The following ITSN2 variants were observed in gnomAD, a reference collection of about 807,000 sequenced individuals.
ITSN2 encodes the protein intersectin-2.
In ITSN2, 156 loss-of-function variants were observed where a neutral mutation model predicts 243.7. The ratio of observed to expected loss-of-function variants is 0.64; its 90% CI spans 0.56 to 0.73. ITSN2 has a LOEUF of 0.73. Ranked by LOEUF, ITSN2 falls within the 30% of genes least tolerant of loss-of-function variation. ITSN2 has a pLI of 0.00. For missense variants in ITSN2, 1,801 were observed against 1,996.1 expected (o/e 0.90, Z 1.86); for synonymous variants, 703 against 699.9 (o/e 1.00, Z -0.07).
At chr2:24,314,772 G>T (rs1242149202) in intron 3 of ITSN2, among the ~76,000 whole-genome samples, 1 of 151,842 alleles carries the variant, frequency 6.6e-6, no homozygotes, top group Non-Finnish European at 1.5e-5. Context: ...AAAGACAGAG[G>T]GCTAGCATTA....
chr2:24,212,868 C>G, intron 32 of ITSN2, 120 bp from the exon 33 acceptor site: 1 of 830,178 alleles, frequency 1.2e-6, no homozygotes, highest in Non-Finnish European at 1.9e-6. Context: ...CCCTGTCTTA[C>G]TGTTTTAGAA....
In ITSN2 at chr2:24,245,654, T is replaced by C. The variant is rs540854949; in HGVS notation, c.3577+475A>G. On this transcript the variant is annotated intron_variant, in intron 29 of 39. Coordinates refer to ENST00000355123, the MANE Select transcript of ITSN2 (RefSeq NM_006277.3). ...CCACCACACCCAGCTAATTTTGCTATTTTTTGTCGAGATGGGGTTTCGCCA... is the reference window on the plus strand; with the variant it reads ...CCACCACACCCAGCTAATTTTGCTACTTTTTGTCGAGATGGGGTTTCGCCA... Among the ~76,000 whole-genome samples the C allele has an allele frequency of 3.0e-4, 46 of 152,232 alleles. No individual in the cohort carries two copies. The South Asian group carries it at 8.9e-3, about 30-fold the overall frequency.
At chr2:24,342,601 A>G (rs1687149398) in intron 1 of ITSN2, among the ~76,000 whole-genome samples, 1 of 150,904 alleles carries the variant, frequency 6.6e-6, no homozygotes. Flanking sequence ...AGAGAAAGAC[A>G]CATGCAAATC....
intron 29 of ITSN2, among the ~76,000 whole-genome samples, chr2:24,228,901 T>G (rs551497878): frequency 3.4e-4 from 52 of 152,304 alleles, no homozygotes; most frequent in Non-Finnish European, 7.1e-4. Flanking sequence ...GTGTTGGAAG[T>G]AGTGGGCTAG....
At chr2:24,315,257 A>C (rs1242376914) in intron 2 of ITSN2, 33 bp from the exon 3 acceptor site, 2 of 1,148,366 alleles carry the variant, frequency 1.7e-6, no homozygotes, top group Non-Finnish European at 2.6e-6. Flanking sequence ...TATAGTGTAT[A>C]CATGAGAATG....
chr2:24,257,298 AAC>A (rs1310054551), intron 23 of ITSN2, among the ~76,000 whole-genome samples: 1 of 152,104 alleles, frequency 6.6e-6, no homozygotes, highest in Non-Finnish European at 1.5e-5. Context: ...TAGCCTAGGC[AAC>A]AGAGTGAGAC....
intron 20 of ITSN2, among the ~76,000 whole-genome samples, chr2:24,266,767 CAA>C (rs1277915920): frequency 1.5e-4 from 11 of 75,492 alleles, no homozygotes; most frequent in Non-Finnish European, 1.7e-4. Context: ...TCCATCTCCA[CAA>C]AAAAAAAAAA....
intron 8 of ITSN2, 148 bp downstream of exon 8, chr2:24,308,469 G>A: frequency 2.2e-6 from 1 of 463,980 alleles, no homozygotes; most frequent in Non-Finnish European, 3.8e-6. Flanking sequence ...TACAACTTCA[G>A]GTATTTGTAT....
chr2:24,257,402 C>T (rs1033669039), intron 23 of ITSN2, among the ~76,000 whole-genome samples: 2 of 151,682 alleles, frequency 1.3e-5, no homozygotes. Context: ...GAAAGATATT[C>T]TAAACTGAAA....
At chr2:24,266,657 G>T (rs1056835783) in intron 20 of ITSN2, among the ~76,000 whole-genome samples, 2 of 151,854 alleles carry the variant, frequency 1.3e-5, no homozygotes, top group Admixed American at 1.3e-4. Flanking sequence ...TGCCAGGCAC[G>T]GTGGTTCATG....
chr2:24,284,867 G>T, intron 16 of ITSN2, 24 bp from the exon 17 acceptor site: 4 of 936,476 alleles, frequency 4.3e-6, no homozygotes, highest in Non-Finnish European at 6.6e-6. Context: ...CAGATAAAAA[G>T]CCAATTAAAC....
Position 24,303,792 on chromosome 2 carries a change from A to C in ITSN2, c.857+7T>G. ...ATTAATCAAATGTAATTAAGGGACA[A>C]ACTTACCAAATAGTAGCCAGCTGAG... On this transcript the variant is annotated splice_region_variant and intron_variant, in intron 9 of 39. Coordinates refer to ENST00000355123, the MANE Select transcript of ITSN2 (RefSeq NM_006277.3). The C allele has an allele frequency of 6.4e-7, 1 of 1,571,328 alleles. No individual in the cohort carries two copies. The highest frequency in any genetic ancestry group is 8.8e-7 in the Non-Finnish European group (1 of 1,141,138).
Position 24,293,501 on chromosome 2 carries a change from T to C in ITSN2, c.1723+187A>G, listed in dbSNP as rs1680543109. ...CAATCATTACTATTTTATTTTTATC[T>C]ACTTTTTATCACTAAAAATGCTCTA... On this transcript the variant is annotated intron_variant, in intron 15 of 39. Transcript: ENST00000355123. 4 of 364,772 alleles carry C rather than the reference T, an allele frequency of 1.1e-5. No individual in the cohort carries two copies. The East Asian group carries it at 1.5e-4, about 13-fold the overall frequency. The allele number at this position is 364,772 out of a possible 1,614,324, so 22.6% of individuals were successfully genotyped here.
intron 25 of ITSN2, among the ~76,000 whole-genome samples, 156 bp downstream of exon 25, chr2:24,252,188 GT>G (rs1179836656): frequency 3.9e-5 from 6 of 152,150 alleles, no homozygotes; most frequent in Non-Finnish European, 8.8e-5. Context: ...ACTGTGAACA[GT>G]TTCTTTGTAA....
At position 24,271,908 on chromosome 2, in the gene ITSN2, T is replaced by C. The variant is rs779879323; in HGVS notation, c.2115A>G (p.Lys705=). Residue 705 remains lysine, a synonymous_variant, in exon 19 of 40, where the codon AAA becomes AAG. Transcript: ENST00000355123. ...CTTCTTCCTCCTTTCTAAGATTTTCTTTCCATAAGTTTTCTTTTCCTTGCT... is the reference window on the plus strand; with the variant it reads ...CTTCTTCCTCCTTTCTAAGATTTTCCTTCCATAAGTTTTCTTTTCCTTGCT... ...KAKQGKENLW[K]ENLRKEEEEK... is the part of the protein sequence containing the mutation. The C allele has an allele frequency of 8.2e-6, 13 of 1,582,948 alleles. No individual in the cohort carries two copies. Among genetic ancestry groups the C allele is most frequent in the Non-Finnish European group, 9.4e-6 (11 of 1,166,894 alleles).
chr2:24,248,187 G>A (rs1673649279), intron 27 of ITSN2, among the ~76,000 whole-genome samples: 3 of 152,012 alleles, frequency 2.0e-5, no homozygotes, highest in Non-Finnish European at 4.4e-5. Context: ...ATCTATGTCT[G>A]TATTGTCTTT....
At position 24,271,914 on chromosome 2, in the gene ITSN2, T is replaced by C; in HGVS notation, c.2109A>G (p.Leu703=). The C allele has an allele frequency of 4.8e-6, 7 of 1,450,074 alleles. No individual in the cohort carries two copies. Among genetic ancestry groups the C allele is most frequent in the Non-Finnish European group, 6.5e-6 (7 of 1,072,774 alleles). The allele number at this position is 1,450,074 out of a possible 1,614,324, so 89.8% of individuals were successfully genotyped here. ...CCTCCTTTCTAAGATTTTCTTTCCATAAGTTTTCTTTTCCTTGCTTTGCTT... is the reference window on the plus strand; with the variant it reads ...CCTCCTTTCTAAGATTTTCTTTCCACAAGTTTTCTTTTCCTTGCTTTGCTT... The part of the protein sequence containing the change: ...ARKAKQGKEN[L]WKENLRKEEE... The change falls in exon 19 of 40, where the codon TTA becomes TTG. Residue 703 remains leucine, a synonymous_variant. Coordinates refer to ENST00000355123, the MANE Select transcript of ITSN2 (RefSeq NM_006277.3).
chr2:24,257,430 C>G (rs1326413641), intron 23 of ITSN2, among the ~76,000 whole-genome samples: 1 of 151,656 alleles, frequency 6.6e-6, no homozygotes, highest in Non-Finnish European at 1.5e-5. Context: ...CTGAGGTATG[C>G]TTTTTTCATC....
At chr2:24,207,572 A>G (rs1300956353) in intron 37 of ITSN2, among the ~76,000 whole-genome samples, 1 of 151,870 alleles carries the variant, frequency 6.6e-6, no homozygotes, top group Non-Finnish European at 1.5e-5. Flanking sequence ...GAGGTCGGGG[A>G]GAGGCCTGGG....
Sources: allele counts gnomAD v4.1 joint callset (sites outside exome capture counted in the v4.1 genomes callset), GRCh38; gene constraint gnomAD v4.1.1; transcripts MANE v1.5; gene names NCBI Gene and HGNC (gene_info 2026-07-23, HGNC 2026-07-21).